Variants in OR9G4 observed in about 807,000 individuals in gnomAD.
The protein encoded by OR9G4 is olfactory receptor 9G4.
In OR9G4, 19 loss-of-function variants were observed where a neutral mutation model predicts 16.7. That is an observed-to-expected ratio of 1.14 (90% CI 0.79 to 1.67). The LOEUF is 1.67. Among genes scored for constraint, OR9G4 ranks in the 40% most tolerant of loss-of-function variants. The pLI is 0.00. For missense variants in OR9G4, 428 were observed against 370.4 expected (o/e 1.16, Z -1.28); for synonymous variants, 182 against 146.2 (o/e 1.24, Z -1.76).
rs185189946 is a variant in OR9G4 at position 56,747,046 on chromosome 11, C to T, written c.-23+1610G>A. Reference sequence around the variant, plus strand: ...TCCCAATTTATTCCAAGTTAAAACCCGTAATCTGTCTCTCCCTTACCTAAA... The same window carrying T: ...TCCCAATTTATTCCAAGTTAAAACCTGTAATCTGTCTCTCCCTTACCTAAA... On this transcript the variant is annotated intron_variant, in intron 1 of 1. Transcript: ENST00000641668. Among the ~76,000 whole-genome samples, 548 of 152,182 alleles carry T rather than the reference C, an allele frequency of 3.6e-3. 10 individuals are homozygous for T. Among genetic ancestry groups the T allele is most frequent in the Admixed American group, 0.028 (428 of 15,292 alleles).
Position 56,743,638 on chromosome 11 carries a change from C to G in OR9G4, c.129G>C (p.Met43Ile). 1 of 1,613,884 alleles carries G rather than the reference C, an allele frequency of 6.2e-7. No homozygotes were observed. Among genetic ancestry groups the G allele is most frequent in the South Asian group, 1.1e-5 (1 of 91,076 alleles). The change falls in exon 2 of 2, where the codon ATG (methionine) becomes ATC (isoleucine). Residue 43 changes from methionine (M) to isoleucine (I), a missense_variant. Transcript: ENST00000641668. ...MLYLITLSGN[M>I]TLVILIRTDS... ...CAGTTCGGATTAAGATAACCAAGGT[C>G]ATGTTTCCTGACAAGGTTATCAAAT...
chr11:56,745,776 CA>C (rs199528748), intron 1 of OR9G4, among the ~76,000 whole-genome samples: 327 of 136,304 alleles, frequency 2.4e-3, no homozygotes, highest in African/African-American at 6.0e-3. Context: ...TGTCTCAAAA[CA>C]AAAAAAAAAA....
intron 1 of OR9G4, among the ~76,000 whole-genome samples, chr11:56,745,270 A>T (rs1249230081): frequency 6.6e-6 from 1 of 152,200 alleles, no homozygotes. Context: ...AGAATTTAAT[A>T]TTTTTGTCAA....
intron 1 of OR9G4, among the ~76,000 whole-genome samples, chr11:56,747,972 C>A (rs1006721939): frequency 6.6e-6 from 1 of 152,200 alleles, no homozygotes; most frequent in South Asian, 2.1e-4. Flanking sequence ...CCGTGCCCAG[C>A]CAGTACAGTC....
intron 1 of OR9G4, among the ~76,000 whole-genome samples, chr11:56,748,043 C>A (rs1441965138): frequency 3.3e-5 from 5 of 152,178 alleles, no homozygotes; most frequent in Admixed American, 2.0e-4. Context: ...ACTTTCCCAG[C>A]ACAGTGTACT....
At position 56,743,339 on chromosome 11, in the gene OR9G4, C is replaced by A. The variant is rs1359241490; in HGVS notation, c.428G>T (p.Gly143Val). 6.2e-6 allele frequency: 10 copies of A among 1,614,064 alleles called. No individual in the cohort carries two copies. In the South Asian group the frequency reaches 7.7e-5, roughly 12 times the overall value. The change falls in exon 2 of 2, where the codon GGG becomes GTG. Residue 143 changes from glycine (G) to valine (V), a missense_variant. By Grantham distance (109) the Gly-to-Val change is moderately radical. Transcript: ENST00000641668. ...TCCTATGTAGGAGCCAGCAACAAGCCCAGTACAGAGGGCGGTGGACATGGT... is the reference window on the plus strand; with the variant it reads ...TCCTATGTAGGAGCCAGCAACAAGCACAGTACAGAGGGCGGTGGACATGGT... ...SGTMSTALCT[G>V]LVAGSYIGGF... is the part of the protein sequence containing the mutation.
In OR9G4 at chr11:56,743,421, C is replaced by T. The variant is rs752083341; in HGVS notation, c.346G>A (p.Ala116Thr). The T allele has an allele frequency of 6.2e-7, 1 of 1,614,010 alleles. No individual in the cohort carries two copies. The highest frequency in any genetic ancestry group is 1.1e-5 in the South Asian group (1 of 91,062). ...VVAYTECYLL[A>T]AMAYDRHAAI... Reference sequence around the variant, plus strand: ...GCATGGCGGTCATATGCCATGGCTGCCAGGAGATAGCATTCAGTGTAGGCT... The same window carrying T: ...GCATGGCGGTCATATGCCATGGCTGTCAGGAGATAGCATTCAGTGTAGGCT... The change falls in exon 2 of 2, where the codon GCA becomes ACA. Residue 116 changes from alanine to threonine, a missense_variant. By Grantham distance (58) the Ala-to-Thr change is moderately conservative. Transcript: ENST00000641668.
rs1858325429 is a variant in OR9G4 at position 56,742,951 on chromosome 11, T to A, written c.816A>T (p.Lys272Asn). The change falls in exon 2 of 2, where the codon AAA becomes AAT. Residue 272 changes from lysine (K) to asparagine (N), a missense_variant. Lys to Asn is a moderately conservative substitution (Grantham distance 94). Coordinates refer to ENST00000641668, the MANE Select transcript of OR9G4 (RefSeq NM_001005284.2). ...PSSTYSLERD[K>N]VAALFYTVIN... The stretch of plus-strand genomic sequence containing the variant: ...TCACGGTGTAGAACAGAGCAGCTAC[T>A]TTGTCCCTCTCTAGGGAGTAGGTGG... 6.2e-7 allele frequency: 1 copy of A among 1,613,972 alleles called. No individual in the cohort carries two copies. The highest frequency in any genetic ancestry group is 8.5e-7 in the Non-Finnish European group (1 of 1,180,030).
intron 1 of OR9G4, among the ~76,000 whole-genome samples, chr11:56,746,076 A>T (rs1036253060): frequency 6.6e-6 from 1 of 151,766 alleles, no homozygotes; most frequent in Non-Finnish European, 1.5e-5. Context: ...GGCGGATCAC[A>T]AGGTCAGGAG....
rs371525547 is a variant in OR9G4, at chr11:56,744,674, C to G, written c.-22-886G>C. ...AAAGATAGGCAGCTCCATGTGGATT[C>G]AAAGCCTGGATTTCAAGAAGCTTTT... On this transcript the variant is annotated intron_variant, in intron 1 of 1. Transcript: ENST00000641668. Among the ~76,000 whole-genome samples the G allele has an allele frequency of 1.3e-4, 20 of 152,230 alleles. 1 individual carries two copies. The East Asian group carries it at 3.5e-3, about 26-fold the overall frequency.
chr11:56,747,579 C>T (rs1167320344), intron 1 of OR9G4, among the ~76,000 whole-genome samples: 3 of 152,182 alleles, frequency 2.0e-5, no homozygotes, highest in African/African-American at 4.8e-5. Context: ...AAGAACAGTT[C>T]CTAGTCATGA....
chr11:56,743,983 T>A, intron 1 of OR9G4, 195 bp from the exon 2 acceptor site: 1 of 606,684 alleles, frequency 1.6e-6, no homozygotes, highest in East Asian at 2.8e-5. Context: ...ATTAGGAATT[T>A]TATTTATTAA....
rs1297586210 is a variant in OR9G4 at position 56,741,779 on chromosome 11, AATTGTAACC to A, written c.*1040_*1048del. 1 of 143,918 alleles carries A rather than the reference AATTGTAACC, an allele frequency of 6.9e-6. No homozygotes were observed. Among genetic ancestry groups the A allele is most frequent in the Non-Finnish European group, 1.5e-5 (1 of 68,012 alleles). 8.9% of individuals were successfully genotyped at this position (143,918 alleles called of 1,614,324 possible). On this transcript the variant is annotated 3_prime_UTR_variant, in exon 2 of 2. Coordinates refer to ENST00000641668, the MANE Select transcript of OR9G4 (RefSeq NM_001005284.2). The stretch of plus-strand genomic sequence containing the variant: ...CTGAGCTGCAAGCTTGTGATTTGAA[AATTGTAACC>A]ATTAATCCTTAACTTGCCATCTTCT...
intron 1 of OR9G4, among the ~76,000 whole-genome samples, chr11:56,746,273 A>G (rs937977990): frequency 8.4e-5 from 11 of 130,874 alleles, no homozygotes; most frequent in African/African-American, 2.6e-4. Context: ...AGCCTGGGCG[A>G]CAGAGCGAGA....
chr11:56,744,300 C>T (rs915856103), intron 1 of OR9G4, among the ~76,000 whole-genome samples: 1 of 152,112 alleles, frequency 6.6e-6, no homozygotes, highest in Non-Finnish European at 1.5e-5. Flanking sequence ...GTGATCCACC[C>T]GCCTCAGCCT....
chr11:56,746,354 C>T (rs1349201516), intron 1 of OR9G4, among the ~76,000 whole-genome samples: 1 of 149,474 alleles, frequency 6.7e-6, no homozygotes, highest in Non-Finnish European at 1.5e-5. Context: ...TTTCTAAACA[C>T]TGCATTTCTT....
chr11:56,747,833 C>G (rs1215594147), intron 1 of OR9G4, among the ~76,000 whole-genome samples: 2 of 152,126 alleles, frequency 1.3e-5, no homozygotes, highest in African/African-American at 2.4e-5. Flanking sequence ...CACCACCATG[C>G]CTGGCTAATG....
In OR9G4 at chr11:56,743,348, A is replaced by C. The variant is rs762288174; in HGVS notation, c.419T>G (p.Leu140Arg). The C allele has an allele frequency of 9.3e-6, 15 of 1,614,098 alleles. No homozygotes were observed. The Admixed American group carries it at 2.5e-4, about 27-fold the overall frequency. ...GGAGCCAGCAACAAGCCCAGTACAG[A>C]GGGCGGTGGACATGGTACCTGAATA... ...LLYSGTMSTA[L>R]CTGLVAGSYI... Residue 140 changes from leucine to arginine, a missense_variant, in exon 2 of 2, where the codon CTC (leucine) becomes CGC (arginine). Physicochemically the swap from Leu to Arg is moderately radical, Grantham distance 102 (BLOSUM62 -2). Transcript: ENST00000641668.
intron 1 of OR9G4, among the ~76,000 whole-genome samples, chr11:56,744,533 C>A (rs571067762): frequency 6.6e-6 from 1 of 152,220 alleles, no homozygotes; most frequent in South Asian, 2.1e-4. Flanking sequence ...ATTAAAGTTG[C>A]TATTTATATT....
Sources: gnomAD v4.1 joint callset for allele counts (sites outside exome capture counted in the v4.1 genomes callset) on GRCh38, gnomAD v4.1.1 for gene constraint, MANE v1.5 for transcripts, NCBI Gene and HGNC (gene_info 2026-07-23, HGNC 2026-07-21) for gene names.